The following RBM19 variants were observed in gnomAD, a reference collection of about 807,000 sequenced individuals.
RBM19 encodes the protein probable RNA-binding protein 19.
RBM19 carries 94 observed loss-of-function variants against 116.8 expected under a neutral mutation model. That is an observed-to-expected ratio of 0.80 (90% CI 0.68 to 0.95). The LOEUF is 0.95. RBM19 is among the 40% of genes least tolerant of loss of function. The probability of loss-of-function intolerance (pLI) is 0.00; values close to 1 mark genes in which losing one functional copy is unlikely to be tolerated. For synonymous variants in RBM19, 475 were observed against 494.1 expected, an observed-to-expected ratio of 0.96 and a Z score of 0.51; for missense variants, 1,161 against 1,220.7, an observed-to-expected ratio of 0.95 and a Z score of 0.73.
intron 23 of RBM19, among the ~76,000 whole-genome samples, chr12:113,838,694 C>T (rs1876177086): frequency 6.6e-6 from 1 of 152,196 alleles, no homozygotes; most frequent in Non-Finnish European, 1.5e-5. Context: ...ATGAAGATTG[C>T]TAGTTACAGT....
intron 22 of RBM19, among the ~76,000 whole-genome samples, chr12:113,854,610 T>G (rs962312868): frequency 6.6e-6 from 1 of 152,156 alleles, no homozygotes; most frequent in Non-Finnish European, 1.5e-5. Context: ...CATCAGGGGC[T>G]GATAGAATGT....
chr12:113,944,126 C>T (rs1172235107), intron 13 of RBM19, among the ~76,000 whole-genome samples: 2 of 93,324 alleles, frequency 2.1e-5, no homozygotes, highest in Non-Finnish European at 4.0e-5. Context: ...TTGGGGCAGA[C>T]TCTCGCTCTG....
At chr12:113,952,419 G>T in intron 8 of RBM19, 93 bp downstream of exon 8, 1 of 1,153,758 alleles carries the variant, frequency 8.7e-7, no homozygotes, top group Non-Finnish European at 1.3e-6. Context: ...AAGAAAAACG[G>T]GTGCCCTTAA....
intron 21 of RBM19, among the ~76,000 whole-genome samples, chr12:113,912,545 C>A (rs1882498867): frequency 1.3e-5 from 2 of 152,248 alleles, no homozygotes; most frequent in Admixed American, 1.3e-4. Flanking sequence ...GACACTCCAT[C>A]TCCCTAGTTT....
At chr12:113,906,599 G>A (rs1183377582) in intron 21 of RBM19, among the ~76,000 whole-genome samples, 1 of 152,080 alleles carries the variant, frequency 6.6e-6, no homozygotes, top group East Asian at 1.9e-4. Context: ...GCACTTTTCT[G>A]CACGCATGCT....
chr12:113,844,494 G>A (rs1296065524), intron 23 of RBM19, among the ~76,000 whole-genome samples, 174 bp downstream of exon 23: 1 of 151,962 alleles, frequency 6.6e-6, no homozygotes, highest in Non-Finnish European at 1.5e-5. Flanking sequence ...GAGTGCCCAA[G>A]GAAGGTGGAC....
intron 22 of RBM19, among the ~76,000 whole-genome samples, chr12:113,852,456 T>C (rs185523466): frequency 2.8e-4 from 43 of 152,248 alleles, no homozygotes; most frequent in African/African-American, 9.9e-4. Context: ...AGCCCACAAT[T>C]ACAAAACAGT....
intron 1 of RBM19, 67 bp from the exon 2 acceptor site, chr12:113,962,481 TG>T: frequency 6.7e-7 from 1 of 1,499,790 alleles, no homozygotes. Flanking sequence ...CAAAATGGGC[TG>T]GAAACCTGAG....
At chr12:113,920,744 A>T in intron 18 of RBM19, 54 bp from the exon 19 acceptor site, 1 of 1,520,928 alleles carries the variant, frequency 6.6e-7, no homozygotes, top group Non-Finnish European at 9.1e-7. Flanking sequence ...GCACAAGGCC[A>T]AGTGCAAGGG....
At chr12:113,920,739 A>T (rs763637724) in intron 18 of RBM19, 49 bp from the exon 19 acceptor site, 1 of 1,545,884 alleles carries the variant, frequency 6.5e-7, no homozygotes, top group Non-Finnish European at 8.9e-7. Context: ...CGGAAGCACA[A>T]GGCCAAGTGC....
intron 20 of RBM19, among the ~76,000 whole-genome samples, chr12:113,917,740 C>CA (rs2135858412): frequency 6.6e-6 from 1 of 152,300 alleles, no homozygotes; most frequent in Non-Finnish European, 1.5e-5. Flanking sequence ...ATGATAATGA[C>CA]AATAATGGCT....
At chr12:113,954,688 G>A (rs949949460) in intron 7 of RBM19, among the ~76,000 whole-genome samples, 5 of 152,350 alleles carry the variant, frequency 3.3e-5, no homozygotes, top group Admixed American at 2.0e-4. Context: ...CCCAAAGGCA[G>A]CAAACTACAG....
intron 23 of RBM19, among the ~76,000 whole-genome samples, chr12:113,840,781 C>A (rs374190103): frequency 1.3e-5 from 2 of 152,340 alleles, no homozygotes. Flanking sequence ...CCTGTCCTCA[C>A]TGGACCCCAG....
Position 113,966,297 on chromosome 12 carries a change from G to C in RBM19, c.-70C>G. ...GTCTTCCACCAAGTTTCACGCTACC[G>C]CCCTGGGCGCCGCCATCTTTACCGA... On this transcript the variant is annotated 5_prime_UTR_variant, in exon 1 of 24. Coordinates refer to ENST00000261741, the MANE Select transcript of RBM19 (RefSeq NM_016196.4). The C allele has an allele frequency of 1.3e-6, 2 of 1,591,842 alleles. No individual in the cohort carries two copies. Among genetic ancestry groups the C allele is most frequent in the East Asian group, 2.2e-5 (1 of 44,738 alleles).
In RBM19 at chr12:113,888,539, C is replaced by CA. The variant is rs572519179; in HGVS notation, c.2558+26429dup. Among the ~76,000 whole-genome samples, 445 of 152,190 alleles carry CA rather than the reference C, an allele frequency of 2.9e-3. 2 individuals are homozygous for CA. Among genetic ancestry groups the CA allele is most frequent in the Admixed American group, 5.6e-3 (85 of 15,296 alleles). On this transcript the variant is annotated intron_variant, in intron 21 of 23. Transcript: ENST00000261741. The stretch of plus-strand genomic sequence containing the variant: ...TCCGTATATTGTATATGATTTTTTT[C>CA]AAAGCCCCTTTATGTACATTCTCTT...
At chr12:113,960,648 C>T (rs4767175) in intron 2 of RBM19, among the ~76,000 whole-genome samples, 74,779 of 151,914 alleles carry the variant, frequency 0.49, 18,833 homozygotes, top group East Asian at 0.8. Context: ...CTCTACCGGG[C>T]GGCTGTGAGG....
At chr12:113,942,959 CAGGGTCCCCT>C (rs1870710435) in intron 13 of RBM19, among the ~76,000 whole-genome samples, 1 of 152,142 alleles carries the variant, frequency 6.6e-6, no homozygotes, top group African/African-American at 2.4e-5. Flanking sequence ...TCTGGGACCC[CAGGGTCCCCT>C]CTCCTGCACT....
At chr12:113,936,800 A>C (rs1870108387) in intron 16 of RBM19, 1 of 574,534 alleles carries the variant, frequency 1.7e-6, no homozygotes, top group Non-Finnish European at 2.8e-6. Context: ...TTTAATTGAC[A>C]AACTAAAAGC....
At chr12:113,856,018 T>C (rs1202554957) in intron 22 of RBM19, among the ~76,000 whole-genome samples, 1 of 152,208 alleles carries the variant, frequency 6.6e-6, no homozygotes, top group African/African-American at 2.4e-5. Context: ...GGGCTCCTCC[T>C]TCCTGGAAGA....
Sources: allele counts gnomAD v4.1 joint callset (sites outside exome capture counted in the v4.1 genomes callset), GRCh38; gene constraint gnomAD v4.1.1; transcripts MANE v1.5; gene names NCBI Gene and HGNC (gene_info 2026-07-23, HGNC 2026-07-21).